The following PREP variants were observed in gnomAD, a reference collection of about 807,000 sequenced individuals.
PREP encodes dJ355L5.1 (prolyl endopeptidase).
PREP carries 29 observed loss-of-function variants against 87.6 expected under a neutral mutation model. The ratio of observed to expected loss-of-function variants is 0.33; its 90% confidence interval spans 0.25 to 0.45. The LOEUF is 0.45. PREP is among the 20% of genes least tolerant of loss of function. The probability of loss-of-function intolerance (pLI) is 1.00; values close to 1 mark genes in which losing one functional copy is unlikely to be tolerated. For missense variants in PREP, 695 were observed against 886.5 expected, an observed-to-expected ratio of 0.78 and a Z score of 2.74; for synonymous variants, 337 against 328.6, an observed-to-expected ratio of 1.03 and a Z score of -0.28.
intron 4 of PREP, 148 bp from the exon 5 acceptor site, chr6:105,373,726 G>A: frequency 1.2e-6 from 1 of 803,470 alleles, no homozygotes. Context: ...GAATCCCGGG[G>A]GCTCAGCCCA....
intron 9 of PREP, among the ~76,000 whole-genome samples, chr6:105,328,350 C>T (rs555444657): frequency 1.4e-4 from 22 of 152,096 alleles, no homozygotes; most frequent in African/African-American, 4.6e-4. Context: ...CTCCACCTCC[C>T]GGGTTCAAGT....
chr6:105,332,785 G>A (rs989817456), intron 8 of PREP, among the ~76,000 whole-genome samples: 1 of 152,130 alleles, frequency 6.6e-6, no homozygotes, highest in East Asian at 1.9e-4. Context: ...CGACTGATAC[G>A]GAAGTGACGT....
chr6:105,349,898 T>TTAAAA (rs1491577494), intron 7 of PREP, among the ~76,000 whole-genome samples: 1 of 59,456 alleles, frequency 1.7e-5, no homozygotes, highest in African/African-American at 5.2e-5. Flanking sequence ...GGGAAGCAGG[T>TTAAAA]AAAAAAAAAA....
chr6:105,402,431 C>CACACACACACACAA (rs1773459472), intron 1 of PREP, among the ~76,000 whole-genome samples: 1 of 151,116 alleles, frequency 6.6e-6, no homozygotes, highest in African/African-American at 2.4e-5. Context: ...CACACACACA[C>CACACACACACACAA]ACACACACAC....
At chr6:105,297,229 T>C (rs1360130696) in intron 10 of PREP, among the ~76,000 whole-genome samples, 1 of 152,224 alleles carries the variant, frequency 6.6e-6, no homozygotes, top group African/African-American at 2.4e-5. Flanking sequence ...AAGTGTCTTC[T>C]CTGTCATTTA....
intron 2 of PREP, among the ~76,000 whole-genome samples, chr6:105,392,985 A>G (rs1240778304): frequency 7.2e-5 from 11 of 152,332 alleles, no homozygotes; most frequent in South Asian, 2.1e-4. Flanking sequence ...GCAGTTAATG[A>G]TGCCAGTGAG....
chr6:105,360,639 T>C (rs550907291), intron 6 of PREP, among the ~76,000 whole-genome samples: 2 of 152,328 alleles, frequency 1.3e-5, no homozygotes, highest in South Asian at 4.2e-4. Context: ...AAAATACATA[T>C]TTTATACTTA....
At chr6:105,283,804 C>G (rs1770130649) in intron 12 of PREP, among the ~76,000 whole-genome samples, 1 of 152,164 alleles carries the variant, frequency 6.6e-6, no homozygotes, top group Admixed American at 6.5e-5. Context: ...CAATCTTGAA[C>G]CTGCCTAATC....
intron 2 of PREP, among the ~76,000 whole-genome samples, chr6:105,381,669 C>T (rs1488423107): frequency 6.6e-6 from 1 of 152,168 alleles, no homozygotes; most frequent in Non-Finnish European, 1.5e-5. Context: ...AATCTGAACA[C>T]ATTTTCCTAG....
chr6:105,309,986 G>A (rs1017045795), intron 10 of PREP, among the ~76,000 whole-genome samples: 8 of 152,182 alleles, frequency 5.3e-5, no homozygotes, highest in Non-Finnish European at 1.2e-4. Flanking sequence ...CCCGGGTCCT[G>A]AACTTAATGA....
At chr6:105,334,863 A>G (rs1339559720) in intron 7 of PREP, among the ~76,000 whole-genome samples, 1 of 152,222 alleles carries the variant, frequency 6.6e-6, no homozygotes, top group Admixed American at 6.5e-5. Flanking sequence ...CATCCTGAGT[A>G]GCCAGGACTA....
intron 1 of PREP, among the ~76,000 whole-genome samples, chr6:105,401,370 C>T (rs1396049220): frequency 6.6e-6 from 1 of 152,210 alleles, no homozygotes; most frequent in Non-Finnish European, 1.5e-5. Flanking sequence ...GTCTGGAACA[C>T]TGCAGAGCTA....
chr6:105,380,595 A>C (rs1772811590), intron 2 of PREP, among the ~76,000 whole-genome samples: 1 of 152,164 alleles, frequency 6.6e-6, no homozygotes, highest in Non-Finnish European at 1.5e-5. Context: ...GGGCAGGAAC[A>C]ACCATTATAA....
intron 10 of PREP, among the ~76,000 whole-genome samples, chr6:105,315,239 C>G (rs1006348123): frequency 6.6e-6 from 1 of 152,178 alleles, no homozygotes; most frequent in East Asian, 1.9e-4. Flanking sequence ...TCATGGCTCA[C>G]TGAAGCCTTG....
At chr6:105,370,510 C>G (rs1456292259) in intron 5 of PREP, among the ~76,000 whole-genome samples, 2 of 151,970 alleles carry the variant, frequency 1.3e-5, no homozygotes, top group African/African-American at 4.8e-5. Flanking sequence ...CCACATGATC[C>G]CACAGTCATG....
chr6:105,373,869 T>A (rs915661439), intron 4 of PREP, among the ~76,000 whole-genome samples: 3 of 152,232 alleles, frequency 2.0e-5, no homozygotes, highest in Non-Finnish European at 2.9e-5. Context: ...TATAATGCAA[T>A]AGGCAGTTCA....
intron 7 of PREP, among the ~76,000 whole-genome samples, chr6:105,345,431 G>A (rs1233195247): frequency 6.6e-6 from 1 of 151,930 alleles, no homozygotes; most frequent in East Asian, 1.9e-4. Flanking sequence ...GTGAAGATTA[G>A]TTTAAAATAA....
At chr6:105,371,500 C>CAAAAAAAAAAAAAAAAAAAAAAAAA (rs528772896) in intron 5 of PREP, among the ~76,000 whole-genome samples, 1 of 44,804 alleles carries the variant, frequency 2.2e-5, no homozygotes, top group African/African-American at 6.2e-5. Flanking sequence ...GATTCCATCT[C>CAAAAAAAAAAAAAAAAAAAAAAAAA]AAAAAAAAAA....
intron 8 of PREP, among the ~76,000 whole-genome samples, chr6:105,332,040 T>C (rs1771348863): frequency 6.6e-6 from 1 of 151,996 alleles, no homozygotes; most frequent in African/African-American, 2.4e-5. Context: ...TGTCTCAGGG[T>C]TACAGATGTG....
Sources: allele counts gnomAD v4.1 joint callset (sites outside exome capture counted in the v4.1 genomes callset), GRCh38; gene constraint gnomAD v4.1.1; transcripts MANE v1.5; gene names NCBI Gene and HGNC (gene_info 2026-07-23, HGNC 2026-07-21).